Variants in USP30 observed in about 807,000 individuals in gnomAD.
The protein encoded by USP30 is ubiquitin specific peptidase 30.
USP30 carries 41 observed loss-of-function variants against 68.2 expected under a neutral mutation model. The observed-to-expected ratio is 0.60, with a 90% CI of 0.47 to 0.78. The LOEUF (loss-of-function observed/expected upper bound fraction) is 0.78, where lower values mean the gene tolerates loss of function less well. Ranked by LOEUF, USP30 falls within the 30% of genes least tolerant of loss-of-function variation. The pLI is 0.00. For missense variants in USP30, 522 were observed against 649.4 expected (o/e 0.80, Z 2.13); for synonymous variants, 229 against 253.7 (o/e 0.90, Z 0.93).
At chr12:109,055,698 CAA>C (rs2040850396) in intron 1 of USP30, among the ~76,000 whole-genome samples, 1 of 149,426 alleles carries the variant, frequency 6.7e-6, no homozygotes, top group Admixed American at 6.8e-5. Context: ...CACCTGGCCT[CAA>C]TAAATATTAT....
chr12:109,050,726 G>C (rs148645985), upstream of USP30, among the ~76,000 whole-genome samples: 320 of 152,166 alleles, frequency 2.1e-3, 2 homozygotes, highest in African/African-American at 7.5e-3. Flanking sequence ...AAAAAATAAT[G>C]GGCCGGGCGC....
chr12:109,054,333 C>T (rs2040771992), intron 1 of USP30, among the ~76,000 whole-genome samples: 1 of 152,022 alleles, frequency 6.6e-6, no homozygotes, highest in African/African-American at 2.4e-5. Flanking sequence ...CCAGCCTGGG[C>T]AATGTAGTGA....
upstream of USP30, among the ~76,000 whole-genome samples, chr12:109,049,547 G>A (rs542632504): frequency 5.9e-5 from 9 of 152,298 alleles, no homozygotes; most frequent in South Asian, 1.9e-3. Flanking sequence ...AGGCACGGTG[G>A]CTCACGCCTG....
At chr12:109,076,606 C>G (rs1433344987) in intron 7 of USP30, among the ~76,000 whole-genome samples, 1 of 151,846 alleles carries the variant, frequency 6.6e-6, no homozygotes, top group Non-Finnish European at 1.5e-5. Flanking sequence ...CCCTTCTGTT[C>G]CTAGTTTGCT....
chr12:109,050,635 G>A (rs944778827), upstream of USP30, among the ~76,000 whole-genome samples: 5 of 152,102 alleles, frequency 3.3e-5, no homozygotes, highest in East Asian at 1.9e-4. Context: ...TGTCCAATAC[G>A]GTAGCTGCTG....
intron 7 of USP30, among the ~76,000 whole-genome samples, chr12:109,074,705 CTGTG>C (rs148377443): frequency 1.3e-5 from 2 of 151,120 alleles, no homozygotes; most frequent in Non-Finnish European, 3.0e-5. Flanking sequence ...TGATGTATGA[CTGTG>C]TGTGTGTGTG....
chr12:109,058,186 G>C (rs1399836669), intron 3 of USP30, 78 bp downstream of exon 3: 10 of 1,394,518 alleles, frequency 7.2e-6, no homozygotes, highest in Non-Finnish European at 9.7e-6. Context: ...ATAACAAAGA[G>C]TTAATACCTT....
At chr12:109,029,915 A>C (rs1158521010) in intron 3 of USP30, among the ~76,000 whole-genome samples, 1 of 152,036 alleles carries the variant, frequency 6.6e-6, no homozygotes, top group Non-Finnish European at 1.5e-5. Flanking sequence ...GCCTCTGAGA[A>C]AGTTCCCCGA....
chr12:109,040,962 G>A (rs993262510), intron 3 of USP30, among the ~76,000 whole-genome samples: 3 of 152,102 alleles, frequency 2.0e-5, no homozygotes, highest in African/African-American at 7.2e-5. Flanking sequence ...TGCCCTACAT[G>A]GTCAAAATTC....
intron 3 of USP30, among the ~76,000 whole-genome samples, chr12:109,060,868 ACTC>A (rs1394224152): frequency 6.6e-6 from 1 of 151,714 alleles, no homozygotes; most frequent in Non-Finnish European, 1.5e-5. Flanking sequence ...CTGCTCTCGA[ACTC>A]CTGACCTCAA....
upstream of USP30, among the ~76,000 whole-genome samples, chr12:109,050,829 A>T (rs2040656846): frequency 6.6e-6 from 1 of 151,848 alleles, no homozygotes; most frequent in Non-Finnish European, 1.5e-5. Flanking sequence ...ACATGGTGAA[A>T]CCCCGTCTCT....
chr12:109,083,257 A>T (rs943778111), intron 11 of USP30, among the ~76,000 whole-genome samples, 195 bp downstream of exon 11: 4 of 152,194 alleles, frequency 2.6e-5, no homozygotes, highest in Non-Finnish European at 4.4e-5. Flanking sequence ...TAGCAGTGAG[A>T]TGTATCGTTT....
intron 7 of USP30, among the ~76,000 whole-genome samples, chr12:109,079,339 C>CTTTTTTTTTTTATTTTTTTTTTT: frequency 1.6e-5 from 1 of 62,280 alleles, no homozygotes; most frequent in South Asian, 6.2e-4. Flanking sequence ...TTTTCTTTTT[C>CTTTTTTTTTTTATTTTTTTTTTT]TTTTTTTTTT....
Position 109,045,280 on chromosome 12 carries a change from A to G in USP30, c.-135-2310A>G, listed in dbSNP as rs567536410. ...AGGCGTGAGCCACTGCGCCCGCCCA[A>G]ACATCTTTCCAAAGGGATAAGAGGT... On this transcript the variant is annotated intron_variant, in intron 3 of 15. Transcript: ENST00000392784. Among the ~76,000 whole-genome samples the G allele has an allele frequency of 1.4e-3, 207 of 152,278 alleles. 9 individuals carry two copies. In the South Asian group the frequency reaches 0.042, roughly 31 times the overall value.
At chr12:109,033,888 T>C (rs1173136514) in intron 3 of USP30, among the ~76,000 whole-genome samples, 1 of 152,090 alleles carries the variant, frequency 6.6e-6, no homozygotes, top group African/African-American at 2.4e-5. Flanking sequence ...AAATACAAGA[T>C]GTCTAATCAG....
At chr12:109,047,852 T>G (rs1303210329), upstream of USP30, 1 of 152,062 alleles carries the variant, frequency 6.6e-6, no homozygotes, top group Non-Finnish European at 1.5e-5. Flanking sequence ...TTAGCTAGAC[T>G]AATTTTAGTA....
intron 7 of USP30, among the ~76,000 whole-genome samples, chr12:109,074,021 A>G (rs1007897860): frequency 2.0e-5 from 3 of 151,826 alleles, no homozygotes; most frequent in African/African-American, 7.3e-5. Flanking sequence ...CTCATTAGCA[A>G]CCTCTCCCCA....
Position 109,052,608 on chromosome 12 carries a change from CG to C in USP30, c.-70del. ...CAGGTTCCGCTGTCTCGGGAACCGT[CG>C]TATCCCTCGGTCCGGCGGCGGCGGC... is the stretch of plus-strand genomic sequence containing the variant. On this transcript the variant is annotated 5_prime_UTR_variant, in exon 1 of 13. Transcript: ENST00000257548. 1 of 1,392,572 alleles carries C rather than the reference CG, an allele frequency of 7.2e-7. No homozygotes were observed. Among genetic ancestry groups the C allele is most frequent in the Non-Finnish European group, 9.3e-7 (1 of 1,071,640 alleles). 86.3% of individuals were successfully genotyped at this position (1,392,572 alleles called of 1,614,324 possible).
At chr12:109,069,180 CCCT>C (rs1593269943) in intron 4 of USP30, among the ~76,000 whole-genome samples, 1 of 152,212 alleles carries the variant, frequency 6.6e-6, no homozygotes, top group African/African-American at 2.4e-5. Context: ...TTCAAGCTCC[CCCT>C]CCTCTGCAGT....
Sources: allele counts gnomAD v4.1 joint callset (sites outside exome capture counted in the v4.1 genomes callset), GRCh38; gene constraint gnomAD v4.1.1; transcripts MANE v1.5; gene names NCBI Gene and HGNC (gene_info 2026-07-23, HGNC 2026-07-21).